Variants in FGF12 observed in about 807,000 individuals in gnomAD.
FGF12 encodes fibroblast growth factor 12B.
A neutral mutation model predicts 23.6 loss-of-function variants in FGF12; 14 were observed. The observed-to-expected ratio is 0.59, with a 90% CI of 0.39 to 0.93. The LOEUF (loss-of-function observed/expected upper bound fraction) is 0.93, where lower values mean the gene tolerates loss of function less well. FGF12 is among the 40% of genes least tolerant of loss of function. FGF12 has a pLI of 0.00. For synonymous variants in FGF12, 62 were observed against 77.3 expected (o/e 0.80, Z 1.04); for missense variants, 175 against 217.8 (o/e 0.80, Z 1.24).
intron 2 of FGF12, among the ~76,000 whole-genome samples, chr3:192,402,944 A>G (rs1361851896): frequency 3.3e-5 from 5 of 152,240 alleles, no homozygotes; most frequent in East Asian, 3.8e-4. Flanking sequence ...AATTGAAAAT[A>G]TAGCATATCA....
chr3:192,398,955 C>G (rs1720643445), intron 2 of FGF12, among the ~76,000 whole-genome samples: 1 of 152,148 alleles, frequency 6.6e-6, no homozygotes, highest in African/African-American at 2.4e-5. Context: ...AACTGAAGAA[C>G]TGCAGTGACA....
At chr3:192,426,719 G>T (rs1286675032) in intron 2 of FGF12, among the ~76,000 whole-genome samples, 3 of 152,158 alleles carry the variant, frequency 2.0e-5, no homozygotes, top group Non-Finnish European at 4.4e-5. Flanking sequence ...GAGACTGTGA[G>T]CACATTTACT....
intron 2 of FGF12, among the ~76,000 whole-genome samples, chr3:192,551,990 T>C (rs995198054): frequency 6.6e-5 from 10 of 152,058 alleles, no homozygotes; most frequent in African/African-American, 2.2e-4. Context: ...TATAGAGATA[T>C]ATATGTAGAG....
intron 2 of FGF12, among the ~76,000 whole-genome samples, chr3:192,401,005 A>G (rs144557291): frequency 6.6e-6 from 1 of 152,214 alleles, no homozygotes; most frequent in Admixed American, 6.5e-5. Context: ...CTTTGTGCTT[A>G]TGTAGTTTAT....
intron 4 of FGF12, among the ~76,000 whole-genome samples, chr3:192,273,440 C>A (rs945111972): frequency 2.0e-5 from 3 of 152,024 alleles, no homozygotes; most frequent in Admixed American, 1.3e-4. Context: ...TGGGCACAGA[C>A]AAACATAGGG....
chr3:192,648,303 G>A (rs766283189), intron 2 of FGF12, among the ~76,000 whole-genome samples: 4 of 152,000 alleles, frequency 2.6e-5, no homozygotes, highest in Non-Finnish European at 4.4e-5. Context: ...AGATAATAAT[G>A]TATCCTAGAA....
At chr3:192,577,280 T>C (rs1033882273) in intron 2 of FGF12, among the ~76,000 whole-genome samples, 4 of 152,234 alleles carry the variant, frequency 2.6e-5, no homozygotes, top group East Asian at 3.8e-4. Flanking sequence ...ATTTTGTGTT[T>C]GTTTATTCTT....
At chr3:192,430,401 T>G (rs1721827701) in intron 2 of FGF12, among the ~76,000 whole-genome samples, 1 of 152,212 alleles carries the variant, frequency 6.6e-6, no homozygotes, top group African/African-American at 2.4e-5. Context: ...GGGTATAGTT[T>G]CGGTTCTGCA....
intron 4 of FGF12, among the ~76,000 whole-genome samples, chr3:192,316,071 T>C (rs1716213347): frequency 6.6e-6 from 1 of 152,196 alleles, no homozygotes. Flanking sequence ...CCAGACCTCC[T>C]GTCCTCTGAA....
rs376285071 is a variant in FGF12 at position 192,336,227 on chromosome 3, GAATT to G, written c.125-767_125-764del. On this transcript the variant is annotated intron_variant, in intron 3 of 5. Transcript: ENST00000445105. The surrounding 1 kb of genome is among the most constrained non-coding windows in gnomAD (Gnocchi z 4.3). Reference sequence around the variant, plus strand: ...ACACACATATACTCAAAACCATTAAGAATTAATTTGACAAAAGTAATTCAACATC... The same window carrying G: ...ACACACATATACTCAAAACCATTAAGAATTTGACAAAAGTAATTCAACATC... 1.2e-4 allele frequency among the ~76,000 whole-genome samples: 18 copies of G among 150,514 alleles called. No individual in the cohort carries two copies. In the East Asian group the frequency reaches 1.8e-3, roughly 15 times the overall value.
chr3:192,310,748 T>C (rs545933520), intron 4 of FGF12, among the ~76,000 whole-genome samples: 2 of 152,340 alleles, frequency 1.3e-5, no homozygotes, highest in East Asian at 3.9e-4. Context: ...AATAATCATT[T>C]GGAAGCCCAA....
intron 2 of FGF12, among the ~76,000 whole-genome samples, chr3:192,452,920 T>G (rs1438787694): frequency 6.6e-6 from 1 of 152,246 alleles, no homozygotes; most frequent in African/African-American, 2.4e-5. Flanking sequence ...TGTATATACA[T>G]GCATATTTTT....
At chr3:192,677,716 C>T (rs1717378704) in intron 2 of FGF12, among the ~76,000 whole-genome samples, 1 of 152,154 alleles carries the variant, frequency 6.6e-6, no homozygotes, top group Non-Finnish European at 1.5e-5. Flanking sequence ...TGCAAGCTGC[C>T]CCACCCAGAG....
chr3:192,413,044 A>G (rs1721243148), intron 2 of FGF12, among the ~76,000 whole-genome samples: 1 of 152,158 alleles, frequency 6.6e-6, no homozygotes, highest in Non-Finnish European at 1.5e-5. Flanking sequence ...TTATGTAGTT[A>G]TATTTAGTTA....
intron 2 of FGF12, among the ~76,000 whole-genome samples, chr3:192,483,162 T>C (rs2108820457): frequency 6.6e-6 from 1 of 152,334 alleles, no homozygotes; most frequent in South Asian, 2.1e-4. Flanking sequence ...TTGGCTCTTG[T>C]TATTCCTCCT....
chr3:192,566,131 G>C (rs1712268032), intron 2 of FGF12, among the ~76,000 whole-genome samples: 1 of 152,156 alleles, frequency 6.6e-6, no homozygotes, highest in Non-Finnish European at 1.5e-5. Flanking sequence ...GCAGGCATTA[G>C]TAGTATCATA....
At chr3:192,275,271 A>G (rs560992732) in intron 4 of FGF12, among the ~76,000 whole-genome samples, 17 of 151,452 alleles carry the variant, frequency 1.1e-4, no homozygotes, top group African/African-American at 3.6e-4. Flanking sequence ...ATCAGGAGAG[A>G]CTCACATCCC....
chr3:192,190,910 GGATT>G (rs1459726308), intron 4 of FGF12, among the ~76,000 whole-genome samples: 24 of 151,978 alleles, frequency 1.6e-4, no homozygotes, highest in Non-Finnish European at 3.4e-4. Context: ...TATGTGCAAC[GGATT>G]ATTATTTATG....
At chr3:192,654,292 A>G (rs561170958) in intron 2 of FGF12, among the ~76,000 whole-genome samples, 1 of 152,318 alleles carries the variant, frequency 6.6e-6, no homozygotes, top group African/African-American at 2.4e-5. Context: ...AATGGGTAAT[A>G]CATAGTTGCA....
Sources: gnomAD v4.1 joint callset for allele counts (sites outside exome capture counted in the v4.1 genomes callset) on GRCh38, gnomAD v4.1.1 for gene constraint, Gnocchi (gnomAD v3.1) non-coding constraint, MANE v1.5 for transcripts, NCBI Gene and HGNC (gene_info 2026-07-23, HGNC 2026-07-21) for gene names.